Variants in CFAP44 observed in about 807,000 individuals in gnomAD.
The protein encoded by CFAP44 is cilia- and flagella-associated protein 44.
Under a neutral mutation model 216.2 loss-of-function variants are expected in CFAP44, and 134 were observed. That is an observed-to-expected ratio of 0.62 (90% confidence interval 0.54 to 0.72). The LOEUF (loss-of-function observed/expected upper bound fraction) is 0.72. Among genes scored for constraint, CFAP44 ranks in the 30% least tolerant of loss-of-function variants. The pLI is 0.00. For missense variants in CFAP44, 2,035 were observed against 2,182.1 expected (o/e 0.93, Z 1.34); for synonymous variants, 700 against 727.6 (o/e 0.96, Z 0.61).
intron 22 of CFAP44, among the ~76,000 whole-genome samples, chr3:113,355,075 G>A (rs1478865366): frequency 6.6e-6 from 1 of 152,180 alleles, no homozygotes; most frequent in African/African-American, 2.4e-5. Flanking sequence ...CCAGGGGAAA[G>A]GGTGGGGGAT....
chr3:113,409,380 C>T, intron 6 of CFAP44, 58 bp from the exon 7 acceptor site: 1 of 1,504,962 alleles, frequency 6.6e-7, no homozygotes, highest in Non-Finnish European at 9.1e-7. Flanking sequence ...TTTTCAAAAA[C>T]ATATTGTAAA....
chr3:113,318,910 A>AAG, intron 28 of CFAP44, among the ~76,000 whole-genome samples: 1 of 152,242 alleles, frequency 6.6e-6, no homozygotes, highest in Admixed American at 6.5e-5. Context: ...CCAGTCTTAC[A>AAG]AGAGGTCCTT....
intron 6 of CFAP44, 146 bp from the exon 7 acceptor site, chr3:113,409,468 C>A: frequency 1.4e-6 from 1 of 695,474 alleles, no homozygotes; most frequent in East Asian, 2.7e-5. Context: ...AAACATTCTC[C>A]ATCTTTGGCT....
chr3:113,311,524 G>A (rs1950038205), intron 28 of CFAP44, among the ~76,000 whole-genome samples: 1 of 152,150 alleles, frequency 6.6e-6, no homozygotes, highest in Non-Finnish European at 1.5e-5. Context: ...ATGTTTCTGA[G>A]GCATCCCCAG....
chr3:113,419,981 T>G, intron 5 of CFAP44, 36 bp downstream of exon 5: 1 of 1,602,254 alleles, frequency 6.2e-7, no homozygotes, highest in Non-Finnish European at 8.5e-7. Flanking sequence ...AAGATAGGGT[T>G]TTTTGGGGTT....
At chr3:113,425,227 C>A (rs1258234638) in intron 4 of CFAP44, among the ~76,000 whole-genome samples, 1 of 152,076 alleles carries the variant, frequency 6.6e-6, no homozygotes, top group African/African-American at 2.4e-5. Flanking sequence ...ATGTAAAAAG[C>A]AAAACTGAGT....
intron 13 of CFAP44, among the ~76,000 whole-genome samples, chr3:113,398,236 G>T (rs1427592555): frequency 6.6e-6 from 1 of 152,136 alleles, no homozygotes; most frequent in Non-Finnish European, 1.5e-5. Context: ...CATAATCTTA[G>T]TATGCTCTGA....
Position 113,330,375 on chromosome 3 carries a change from A to C in CFAP44, c.3909T>G (p.Val1303=), listed in dbSNP as rs75767112. The change falls in exon 26 of 35, where the codon GTT becomes GTG. Residue 1303 remains valine (V), a synonymous_variant. Transcript: ENST00000393845. ...TAGAAGAGAGTTTGAGGAATCCTCCAACTGGGCCTCCAGACCCTGTCTGTT... is the reference window on the plus strand; with the variant it reads ...TAGAAGAGAGTTTGAGGAATCCTCCCACTGGGCCTCCAGACCCTGTCTGTT... ...GVEQTGSGGP[V]GGFLKLSSRK... The C allele has an allele frequency of 6.5e-6, 10 of 1,537,342 alleles. No homozygotes were observed. The East Asian group carries it at 2.4e-4, about 38-fold the overall frequency.
At chr3:113,361,853 AC>A (rs1197648937) in intron 21 of CFAP44, among the ~76,000 whole-genome samples, 13 of 139,598 alleles carry the variant, frequency 9.3e-5, no homozygotes, top group Middle Eastern at 3.5e-3. Flanking sequence ...TATTCTGACC[AC>A]AATTTTTTTT....
chr3:113,379,354 G>A lies in CFAP44; in HGVS notation c.2250C>T (p.Pro750=), dbSNP rs1330451779. 1 of 1,612,020 alleles carries A rather than the reference G, an allele frequency of 6.2e-7. No individual in the cohort carries two copies. Among genetic ancestry groups the A allele is most frequent in the South Asian group, 1.1e-5 (1 of 90,822 alleles). The change falls in exon 17 of 35, where the codon CCC becomes CCT. Residue 750 remains proline, a synonymous_variant. Transcript: ENST00000393845. ...GCTCTGAGTAAAATCCACAGAGGAT[G>A]GGAGAGGGGGTTGACGGAATAAATA... The part of the protein sequence containing the change: ...PEIFIPSTPS[P]ILCGFYSEPG...
intron 22 of CFAP44, among the ~76,000 whole-genome samples, chr3:113,354,906 C>T (rs949732570): frequency 2.0e-5 from 3 of 152,184 alleles, no homozygotes; most frequent in Non-Finnish European, 4.4e-5. Flanking sequence ...AACAAAAACA[C>T]AACCAAGGAC....
chr3:113,347,843 A>C (rs1950402286), intron 22 of CFAP44, among the ~76,000 whole-genome samples: 1 of 152,112 alleles, frequency 6.6e-6, no homozygotes, highest in South Asian at 2.1e-4. Context: ...ACAGGGGTAA[A>C]GTCCCGATAC....
intron 28 of CFAP44, among the ~76,000 whole-genome samples, chr3:113,325,953 G>C (rs986060000): frequency 6.6e-6 from 1 of 152,136 alleles, no homozygotes; most frequent in Non-Finnish European, 1.5e-5. Context: ...GTCGAAGAGA[G>C]ACAACCTTTT....
chr3:113,289,221 CA>C lies in CFAP44; in HGVS notation c.*2335del. On this transcript the variant is annotated 3_prime_UTR_variant, in exon 35 of 35. Coordinates refer to ENST00000393845, the MANE Select transcript of CFAP44 (RefSeq NM_001164496.2). Reference sequence around the variant, plus strand: ...AGCTATCAACATATTTTGTCCAATTCAAAATAAAGTAATTCAGTGTTAACTG... The same window carrying C: ...AGCTATCAACATATTTTGTCCAATTCAAATAAAGTAATTCAGTGTTAACTG... 1 of 152,324 alleles carries C rather than the reference CA, an allele frequency of 6.6e-6. No individual in the cohort carries two copies. The highest frequency in any genetic ancestry group is 1.9e-4 in the East Asian group (1 of 5,188). The allele number at this position is 152,324 out of a possible 1,614,324, so 9.4% of individuals were successfully genotyped here.
At chr3:113,339,094 T>A (rs966743441) in intron 24 of CFAP44, among the ~76,000 whole-genome samples, 1 of 152,184 alleles carries the variant, frequency 6.6e-6, no homozygotes, top group Non-Finnish European at 1.5e-5. Context: ...CCATCTGTCC[T>A]CACATCCACA....
rs1950228109 is a variant in CFAP44 at position 113,330,158 on chromosome 3, C to T, written c.4116+10G>A. The stretch of plus-strand genomic sequence containing the variant: ...TTTCAGCTTTAACTAGGAACAGGTT[C>T]ACCCCTTACCCTGTTGACCAAATAC... On this transcript the variant is annotated intron_variant, in intron 26 of 34. Coordinates refer to ENST00000393845, the MANE Select transcript of CFAP44 (RefSeq NM_001164496.2). 2.0e-6 allele frequency: 3 copies of T among 1,511,040 alleles called. No homozygotes were observed. Among genetic ancestry groups the T allele is most frequent in the Non-Finnish European group, 2.6e-6 (3 of 1,133,048 alleles). 93.6% of individuals were successfully genotyped at this position (1,511,040 alleles called of 1,614,324 possible).
intron 19 of CFAP44, 38 bp downstream of exon 19, chr3:113,366,001 C>A (rs182269027): frequency 6.5e-7 from 1 of 1,547,354 alleles, no homozygotes; most frequent in South Asian, 1.2e-5. Context: ...TTTTTAAATA[C>A]AGTTTGTTAT....
At chr3:113,305,757 C>T (rs1224298140) in intron 30 of CFAP44, among the ~76,000 whole-genome samples, 1 of 152,156 alleles carries the variant, frequency 6.6e-6, no homozygotes, top group Non-Finnish European at 1.5e-5. Flanking sequence ...ACATGGGATG[C>T]ATGCACCCCA....
intron 15 of CFAP44, among the ~76,000 whole-genome samples, chr3:113,389,114 C>A (rs551560906): frequency 8.1e-4 from 124 of 152,234 alleles, no homozygotes; most frequent in Non-Finnish European, 1.3e-3. Context: ...AAGAACAGAC[C>A]ATATGTTAGT....
Sources: gnomAD v4.1 joint callset for allele counts (sites outside exome capture counted in the v4.1 genomes callset) on GRCh38, gnomAD v4.1.1 for gene constraint, MANE v1.5 for transcripts, NCBI Gene and HGNC (gene_info 2026-07-23, HGNC 2026-07-21) for gene names.